GTF2E2: variants seen among roughly 807,000 people sequenced by gnomAD.
The protein encoded by GTF2E2 is general transcription factor IIE subunit 2, also known as transcription initiation factor IIE subunit beta.
GTF2E2 carries 21 observed loss-of-function variants against 40.5 expected under a neutral mutation model. That is an observed-to-expected ratio of 0.52 (90% CI 0.37 to 0.75). The LOEUF (loss-of-function observed/expected upper bound fraction) is 0.75. Ranked by LOEUF, GTF2E2 falls within the 30% of genes least tolerant of loss-of-function variation. The pLI, the probability that GTF2E2 is intolerant of heterozygous loss-of-function variation, is 0.00. For synonymous variants in GTF2E2, 117 were observed against 121.6 expected (o/e 0.96, Z 0.25); for missense variants, 298 against 338.4 (o/e 0.88, Z 0.94).
At position 30,614,180 on chromosome 8, in the gene GTF2E2, A is replaced by C. The variant is rs190361202; in HGVS notation, c.366+428T>G. On this transcript the variant is annotated intron_variant, in intron 4 of 7. Coordinates refer to ENST00000355904, the MANE Select transcript of GTF2E2 (RefSeq NM_002095.6). ...TTTGAAACAGATAACATAAAATTAT[A>C]TGAAAACCAACAAATCAATCTTATA... 2.8e-3 allele frequency among the ~76,000 whole-genome samples: 429 copies of C among 152,380 alleles called. 3 individuals carry two copies. Among genetic ancestry groups the C allele is most frequent in the African/African-American group, 9.7e-3 (402 of 41,590 alleles).
At chr8:30,627,448 C>CAAAAAAAA (rs71539905) in intron 3 of GTF2E2, among the ~76,000 whole-genome samples, 1 of 64,774 alleles carries the variant, frequency 1.5e-5, no homozygotes, top group Admixed American at 2.0e-4. Flanking sequence ...ACCTCTCTTG[C>CAAAAAAAA]AAAAAAAAAA....
At chr8:30,618,116 G>A (rs1209513241) in intron 3 of GTF2E2, among the ~76,000 whole-genome samples, 1 of 152,106 alleles carries the variant, frequency 6.6e-6, no homozygotes, top group East Asian at 1.9e-4. Flanking sequence ...GACCAACATA[G>A]TGAAATCTGT....
chr8:30,587,670 C>T (rs1368749040), intron 6 of GTF2E2, among the ~76,000 whole-genome samples: 2 of 151,638 alleles, frequency 1.3e-5, no homozygotes, highest in Non-Finnish European at 2.9e-5. Context: ...GTCAGGAGTT[C>T]GAGACCAGCC....
At chr8:30,599,741 T>A (rs1232244580) in intron 6 of GTF2E2, among the ~76,000 whole-genome samples, 1 of 152,116 alleles carries the variant, frequency 6.6e-6, no homozygotes, top group Admixed American at 6.6e-5. Context: ...TCCCAGTACT[T>A]TGGGAGGCCA....
intron 3 of GTF2E2, among the ~76,000 whole-genome samples, chr8:30,634,233 A>G (rs1038806344): frequency 6.6e-6 from 1 of 152,182 alleles, no homozygotes; most frequent in Non-Finnish European, 1.5e-5. Context: ...AAATCACATG[A>G]GCTTAGGAGT....
intron 3 of GTF2E2, among the ~76,000 whole-genome samples, chr8:30,633,230 CAATA>C (rs1404989414): frequency 2.0e-5 from 3 of 151,694 alleles, no homozygotes; most frequent in Non-Finnish European, 4.4e-5. Flanking sequence ...GATAGATGAT[CAATA>C]AATGATTTGA....
At chr8:30,605,732 C>A (rs1829300669) in intron 6 of GTF2E2, among the ~76,000 whole-genome samples, 1 of 151,958 alleles carries the variant, frequency 6.6e-6, no homozygotes, top group Non-Finnish European at 1.5e-5. Context: ...GCACAATCAG[C>A]TCACCGTAAC....
At chr8:30,612,607 A>C in intron 4 of GTF2E2, 126 bp from the exon 5 acceptor site, 1 of 451,158 alleles carries the variant, frequency 2.2e-6, no homozygotes. Flanking sequence ...GCTCACTGCA[A>C]CCTCCGCCTC....
At chr8:30,647,876 AT>A (rs1432515221) in intron 2 of GTF2E2, among the ~76,000 whole-genome samples, 1 of 152,182 alleles carries the variant, frequency 6.6e-6, no homozygotes, top group Non-Finnish European at 1.5e-5. Context: ...TCCTGTAATT[AT>A]TTAGTCATCC....
intron 2 of GTF2E2, among the ~76,000 whole-genome samples, chr8:30,652,929 A>C (rs890446942): frequency 6.6e-6 from 1 of 152,220 alleles, no homozygotes; most frequent in African/African-American, 2.4e-5. Flanking sequence ...GGAACTCAAA[A>C]ATATGCCAAG....
chr8:30,582,145 G>A (rs1828532213), intron 6 of GTF2E2, among the ~76,000 whole-genome samples: 1 of 152,144 alleles, frequency 6.6e-6, no homozygotes, highest in Non-Finnish European at 1.5e-5. Flanking sequence ...CTGAGGAGCT[G>A]GGACCAAGGT....
intron 3 of GTF2E2, among the ~76,000 whole-genome samples, chr8:30,632,634 C>T (rs960825597): frequency 5.9e-5 from 9 of 151,984 alleles, no homozygotes; most frequent in African/African-American, 1.9e-4. Context: ...AAAGAAAGTA[C>T]CTATGAAGGG....
chr8:30,611,604 T>C (rs1171117219), intron 5 of GTF2E2, among the ~76,000 whole-genome samples: 1 of 152,102 alleles, frequency 6.6e-6, no homozygotes, highest in East Asian at 1.9e-4. Context: ...GTGAGTGAAC[T>C]TGACAATGGA....
At chr8:30,616,734 TG>T (rs1800929698) in intron 3 of GTF2E2, among the ~76,000 whole-genome samples, 4 of 151,954 alleles carry the variant, frequency 2.6e-5, no homozygotes, top group Admixed American at 6.6e-5. Flanking sequence ...GAGGAAGCTG[TG>T]GGGGGATGGG....
At position 30,584,039 on chromosome 8, in the gene GTF2E2, C is replaced by G. The variant is rs558042771; in HGVS notation, c.644-3643G>C. On this transcript the variant is annotated intron_variant, in intron 6 of 7. Coordinates refer to ENST00000355904, the MANE Select transcript of GTF2E2 (RefSeq NM_002095.6). ...TCCAGGATGGTCTCGATCTCCTGATCTTGTGATCTGCCCGCCTCAGCCTCC... is the reference window on the plus strand; with the variant it reads ...TCCAGGATGGTCTCGATCTCCTGATGTTGTGATCTGCCCGCCTCAGCCTCC... 1.3e-3 allele frequency among the ~76,000 whole-genome samples: 204 copies of G among 152,166 alleles called. 2 individuals are homozygous for G. Among genetic ancestry groups the G allele is most frequent in the South Asian group, 0.012 (58 of 4,810 alleles).
At chr8:30,636,056 C>A (rs1012745863) in intron 2 of GTF2E2, among the ~76,000 whole-genome samples, 2 of 152,142 alleles carry the variant, frequency 1.3e-5, no homozygotes, top group South Asian at 4.1e-4. Flanking sequence ...ACCCCCCTCT[C>A]CTTCTCTATC....
intron 6 of GTF2E2, among the ~76,000 whole-genome samples, chr8:30,595,036 TCA>T (rs1828960765): frequency 6.6e-6 from 1 of 152,224 alleles, no homozygotes; most frequent in Admixed American, 6.5e-5. Flanking sequence ...GTCTCCGTGT[TCA>T]TTTAGATTAG....
intron 6 of GTF2E2, among the ~76,000 whole-genome samples, chr8:30,600,098 A>T (rs1012909435): frequency 7.2e-5 from 11 of 152,240 alleles, no homozygotes; most frequent in Non-Finnish European, 1.5e-4. Context: ...AAACTGTTTA[A>T]GCTTCCAGTA....
At chr8:30,592,040 T>C (rs1300279164) in intron 6 of GTF2E2, among the ~76,000 whole-genome samples, 2 of 152,212 alleles carry the variant, frequency 1.3e-5, no homozygotes, top group African/African-American at 4.8e-5. Flanking sequence ...ACAATGTTTT[T>C]ACCTCCCTGT....
Sources: allele counts gnomAD v4.1 joint callset (sites outside exome capture counted in the v4.1 genomes callset), GRCh38; gene constraint gnomAD v4.1.1; transcripts MANE v1.5; gene names NCBI Gene and HGNC (gene_info 2026-07-23, HGNC 2026-07-21).